Variants in SP100 observed in about 807,000 individuals in gnomAD.
SP100 encodes nuclear autoantigen Sp-100.
Under a neutral mutation model 130.0 loss-of-function variants are expected in SP100, and 84 were observed. The ratio of observed to expected loss-of-function variants is 0.65; its 90% confidence interval spans 0.54 to 0.77. SP100 has a LOEUF of 0.77. Ranked by LOEUF, SP100 falls within the 30% of genes least tolerant of loss-of-function variation. SP100 has a pLI of 0.00. For synonymous variants in SP100, 331 were observed against 351.7 expected (o/e 0.94, Z 0.66); for missense variants, 978 against 1,052.2 (o/e 0.93, Z 0.97).
In SP100 at chr2:230,503,112, T is replaced by C. The variant is rs1306929046; in HGVS notation, c.1765+2T>C. On this transcript the variant is annotated splice_donor_variant, in intron 20 of 28. Coordinates refer to ENST00000340126, the MANE Select transcript of SP100 (RefSeq NM_001080391.2). LOFTEE classifies it high-confidence loss of function. ...CTTTGAAAAGAAGAAGAAAAAGAGG[T>C]AAATAGAAGTGATCGATATGTTTTT... 3 of 1,582,710 alleles carry C rather than the reference T, an allele frequency of 1.9e-6. No individual in the cohort carries two copies. Among genetic ancestry groups the C allele is most frequent in the Non-Finnish European group, 2.6e-6 (3 of 1,156,026 alleles).
intron 13 of SP100, among the ~76,000 whole-genome samples, chr2:230,468,259 A>G (rs1294332697): frequency 1.3e-5 from 2 of 152,216 alleles, no homozygotes; most frequent in Admixed American, 1.3e-4. Context: ...TCAAAGCCAG[A>G]TGTACTTCAA....
chr2:230,498,234 G>C (rs991562312), intron 18 of SP100, among the ~76,000 whole-genome samples: 5 of 151,998 alleles, frequency 3.3e-5, no homozygotes, highest in South Asian at 2.1e-4. Context: ...ATTAATGTTG[G>C]GGGGAGGCAA....
At chr2:230,486,525 A>G (rs1026986203) in intron 17 of SP100, among the ~76,000 whole-genome samples, 2 of 152,234 alleles carry the variant, frequency 1.3e-5, no homozygotes, top group African/African-American at 4.8e-5. Flanking sequence ...TTATGGCTGC[A>G]TAGTAGTCCA....
chr2:230,458,944 G>A (rs776587437), intron 8 of SP100, among the ~76,000 whole-genome samples: 2 of 152,136 alleles, frequency 1.3e-5, no homozygotes, highest in Admixed American at 1.3e-4. Context: ...CATTACATAT[G>A]GGACAACAGG....
Position 230,464,159 on chromosome 2 carries a change from A to G in SP100, c.1141+9A>G. Reference sequence around the variant, plus strand: ...ACCCCAGATTGTACCAGGTAAGAATATTAGAGTTGCAACCCGAGACTGTAG... The same window carrying G: ...ACCCCAGATTGTACCAGGTAAGAATGTTAGAGTTGCAACCCGAGACTGTAG... On this transcript the variant is annotated intron_variant, in intron 11 of 28. Transcript: ENST00000340126. 6.4e-7 allele frequency: 1 copy of G among 1,552,752 alleles called. No individual in the cohort carries two copies. The highest frequency in any genetic ancestry group is 1.1e-5 in the South Asian group (1 of 89,838).
intron 24 of SP100, among the ~76,000 whole-genome samples, chr2:230,529,656 G>A (rs190653882): frequency 3.3e-5 from 5 of 152,086 alleles, no homozygotes; most frequent in South Asian, 2.1e-4. Context: ...TTTGCAGATG[G>A]CATGATTGTA....
rs374056796 is a variant in SP100 at position 230,443,108 on chromosome 2, A to G, written c.270+9A>G. The G allele has an allele frequency of 4.5e-5, 73 of 1,613,382 alleles. No homozygotes were observed. The African/African-American group carries it at 7.6e-4, about 17-fold the overall frequency. On this transcript the variant is annotated intron_variant, in intron 3 of 28. Transcript: ENST00000340126. Reference sequence around the variant, plus strand: ...CAAATAAAATGTTTGAAGTAAGTAAAGTTTATTATGTCACAATCTGGTAAA... The same window carrying G: ...CAAATAAAATGTTTGAAGTAAGTAAGGTTTATTATGTCACAATCTGGTAAA...
chr2:230,507,894 G>A (rs1690241831), intron 22 of SP100, 99 bp from the exon 23 acceptor site: 11 of 977,436 alleles, frequency 1.1e-5, no homozygotes, highest in Non-Finnish European at 1.6e-5. Context: ...GTTAATAGTG[G>A]GATATCCAGG....
intron 13 of SP100, among the ~76,000 whole-genome samples, chr2:230,467,451 T>C (rs1383190270): frequency 1.3e-5 from 2 of 152,238 alleles, no homozygotes; most frequent in Non-Finnish European, 2.9e-5. Flanking sequence ...TCCATTTTCA[T>C]GTTGCTGATA....
intron 13 of SP100, among the ~76,000 whole-genome samples, chr2:230,468,443 G>A (rs1236115283): frequency 6.6e-6 from 1 of 152,070 alleles, no homozygotes; most frequent in Non-Finnish European, 1.5e-5. Context: ...CGGACTCATG[G>A]CAACTCAAGT....
intron 2 of SP100, among the ~76,000 whole-genome samples, chr2:230,426,021 T>C (rs1396664897): frequency 1.3e-5 from 2 of 152,166 alleles, no homozygotes; most frequent in African/African-American, 2.4e-5. Flanking sequence ...TTCTAGGCTA[T>C]ACAATTTGTT....
rs924780678 is a variant in SP100 at position 230,502,855 on chromosome 2, A to C, written c.1721-211A>C. ...CATCCTTTGATGAATTCATGACACA[A>C]CTACAGAGTTGAGTAGTCACAACAG... is the stretch of plus-strand genomic sequence containing the variant. On this transcript the variant is annotated intron_variant, in intron 19 of 28. Coordinates refer to ENST00000340126, the MANE Select transcript of SP100 (RefSeq NM_001080391.2). Among the ~76,000 whole-genome samples, 6 of 152,160 alleles carry C rather than the reference A, an allele frequency of 3.9e-5. No homozygotes were observed. In the East Asian group the frequency reaches 1.2e-3, roughly 29 times the overall value.
intron 24 of SP100, among the ~76,000 whole-genome samples, chr2:230,534,727 T>G (rs1691851280): frequency 6.6e-6 from 1 of 152,206 alleles, no homozygotes; most frequent in African/African-American, 2.4e-5. Context: ...GTTCCAGGAT[T>G]GTATGATTCT....
At chr2:230,490,983 G>A (rs1412275475) in intron 17 of SP100, among the ~76,000 whole-genome samples, 2 of 152,036 alleles carry the variant, frequency 1.3e-5, no homozygotes, top group African/African-American at 2.4e-5. Context: ...GTATCTAGAT[G>A]GTGTTCTCTG....
chr2:230,456,754 A>AT (rs558726233), intron 8 of SP100, among the ~76,000 whole-genome samples: 12 of 151,976 alleles, frequency 7.9e-5, no homozygotes, highest in Admixed American at 3.9e-4. Context: ...AATTTGTTTG[A>AT]TTTTTTAAAT....
At chr2:230,417,008 T>A in intron 1 of SP100, 1 of 421,184 alleles carries the variant, frequency 2.4e-6, no homozygotes, top group Non-Finnish European at 3.2e-6. Flanking sequence ...ATAACATTAC[T>A]TAATCTTTTA....
intron 19 of SP100, among the ~76,000 whole-genome samples, chr2:230,501,763 T>C (rs2067041075): frequency 6.6e-6 from 1 of 152,200 alleles, no homozygotes; most frequent in Admixed American, 6.5e-5. Flanking sequence ...CCACTTTGTG[T>C]CCCTGACTTC....
intron 15 of SP100, among the ~76,000 whole-genome samples, chr2:230,470,700 A>G (rs946299130): frequency 2.0e-5 from 3 of 152,188 alleles, no homozygotes; most frequent in Non-Finnish European, 4.4e-5. Context: ...CAGAAGTATT[A>G]GGGCCAAAAA....
At chr2:230,511,007 A>G in intron 23 of SP100, 118 bp from the exon 24 acceptor site, 1 of 743,854 alleles carries the variant, frequency 1.3e-6, no homozygotes, top group Non-Finnish European at 2.4e-6. Flanking sequence ...AAAAGCAGAC[A>G]TGAAACAAAA....
Sources: gnomAD v4.1 joint callset for allele counts (sites outside exome capture counted in the v4.1 genomes callset) on GRCh38, gnomAD v4.1.1 for gene constraint, MANE v1.5 for transcripts, NCBI Gene and HGNC (gene_info 2026-07-23, HGNC 2026-07-21) for gene names.